PLOD1: variants seen among roughly 807,000 people sequenced by gnomAD.
The protein encoded by PLOD1 is procollagen-lysine,2-oxoglutarate 5-dioxygenase 1.
Under a neutral mutation model 94.7 loss-of-function variants are expected in PLOD1, and 70 were observed. That is an observed-to-expected ratio of 0.74 (90% CI 0.61 to 0.90). The LOEUF is 0.90. Ranked by LOEUF, PLOD1 falls within the 40% of genes least tolerant of loss-of-function variation. The pLI, the probability that PLOD1 is intolerant of heterozygous loss-of-function variation, is 0.00. For synonymous variants in PLOD1, 417 were observed against 400.2 expected (o/e 1.04, Z -0.50); for missense variants, 905 against 972.7 (o/e 0.93, Z 0.93).
At chr1:11,939,086 G>A (rs1314188443) in intron 1 of PLOD1, among the ~76,000 whole-genome samples, 1 of 152,030 alleles carries the variant, frequency 6.6e-6, no homozygotes, top group Non-Finnish European at 1.5e-5. Flanking sequence ...TTCCCTGTGG[G>A]CCTTGATTTG....
chr1:11,952,195 C>A (rs1289067914), intron 4 of PLOD1, among the ~76,000 whole-genome samples: 1 of 152,230 alleles, frequency 6.6e-6, no homozygotes, highest in Non-Finnish European at 1.5e-5. Context: ...CCCACTATGC[C>A]AGGTCTCAGC....
chr1:11,973,212 T>C (rs1645879235), intron 18 of PLOD1, among the ~76,000 whole-genome samples: 1 of 152,074 alleles, frequency 6.6e-6, no homozygotes, highest in South Asian at 2.1e-4. Flanking sequence ...TTTTAAGAGA[T>C]TTTTGGGCTC....
chr1:11,974,616 C>A, intron 18 of PLOD1, 37 bp from the exon 19 acceptor site: 1 of 1,592,804 alleles, frequency 6.3e-7, no homozygotes, highest in Non-Finnish European at 8.6e-7. Flanking sequence ...GGCAGGGGGG[C>A]GGTGGGGAAA....
intron 1 of PLOD1, among the ~76,000 whole-genome samples, chr1:11,946,573 G>C (rs1329507356): frequency 2.0e-5 from 3 of 152,186 alleles, no homozygotes; most frequent in Admixed American, 1.3e-4. Flanking sequence ...GGAGAGCAGG[G>C]ACCTGTGAGC....
intron 1 of PLOD1, among the ~76,000 whole-genome samples, chr1:11,935,484 G>A (rs1167998273): frequency 1.3e-5 from 2 of 152,078 alleles, no homozygotes; most frequent in Non-Finnish European, 2.9e-5. Flanking sequence ...CCTCTCTGCA[G>A]TTTATTTTTT....
intron 1 of PLOD1, among the ~76,000 whole-genome samples, chr1:11,941,288 G>A (rs1430655704): frequency 1.3e-5 from 2 of 151,814 alleles, no homozygotes; most frequent in Non-Finnish European, 2.9e-5. Flanking sequence ...TGTCACCCAG[G>A]CTAGAGTGCA....
chr1:11,952,170 G>A (rs1341291997), intron 4 of PLOD1, among the ~76,000 whole-genome samples: 3 of 152,206 alleles, frequency 2.0e-5, no homozygotes, highest in East Asian at 3.9e-4. Context: ...CTAGCCAGGG[G>A]CCCATGTGGG....
intron 2 of PLOD1, 122 bp from the exon 3 acceptor site, chr1:11,949,651 C>G: frequency 1.1e-6 from 1 of 941,098 alleles, no homozygotes; most frequent in Non-Finnish European, 1.7e-6. Flanking sequence ...AATTCCTGAC[C>G]TCAGGTGGTC....
At chr1:11,937,661 G>A (rs1000073734) in intron 1 of PLOD1, among the ~76,000 whole-genome samples, 5 of 152,184 alleles carry the variant, frequency 3.3e-5, no homozygotes, top group Admixed American at 6.5e-5. Flanking sequence ...ATGACAGGGC[G>A]TTAGGCACCC....
chr1:11,973,580 C>CTTTTT (rs976516109), intron 18 of PLOD1, among the ~76,000 whole-genome samples: 1 of 148,100 alleles, frequency 6.8e-6, no homozygotes, highest in African/African-American at 2.5e-5. Context: ...AGCTATAATC[C>CTTTTT]TTTTTTTTTT....
chr1:11,947,596 A>C (rs1010066064), intron 1 of PLOD1, among the ~76,000 whole-genome samples: 5 of 152,138 alleles, frequency 3.3e-5, no homozygotes, highest in African/African-American at 4.8e-5. Context: ...ACCAGCTCTC[A>C]CATGAACTCA....
At position 11,964,250 on chromosome 1, in the gene PLOD1, C is replaced by T; in HGVS notation, c.1278C>T (p.Gly426=). 1 of 1,527,310 alleles carries T rather than the reference C, an allele frequency of 6.5e-7. No homozygotes were observed. The highest frequency in any genetic ancestry group is 1.1e-5 in the South Asian group (1 of 89,872). 94.6% of individuals were successfully genotyped at this position (1,527,310 alleles called of 1,614,324 possible). ...TCTGGGGGGCTCTCAGTGCAGATGG[C>T]TACTATGCCCGTTCCGAGGACTACG... is the stretch of plus-strand genomic sequence containing the variant. The part of the protein sequence containing the change: ...SNFWGALSAD[G]YYARSEDYVD... The change falls in exon 12 of 19, where the codon GGC becomes GGT. Residue 426 remains glycine (G), a synonymous_variant. Coordinates refer to ENST00000196061, the MANE Select transcript of PLOD1 (RefSeq NM_000302.4).
intron 1 of PLOD1, among the ~76,000 whole-genome samples, chr1:11,944,143 G>A (rs1645633227): frequency 6.6e-6 from 1 of 151,928 alleles, no homozygotes; most frequent in South Asian, 2.1e-4. Flanking sequence ...TGAGGCATGA[G>A]AATCGCTTGA....
chr1:11,964,005 A>T (rs539559542), intron 11 of PLOD1, among the ~76,000 whole-genome samples, 170 bp from the exon 12 acceptor site: 84 of 152,238 alleles, frequency 5.5e-4, no homozygotes, highest in African/African-American at 1.9e-3. Flanking sequence ...AGCAGGTACC[A>T]GAAGAGCCAA....
chr1:11,968,435 G>A (rs1423881527), intron 16 of PLOD1, among the ~76,000 whole-genome samples: 2 of 151,858 alleles, frequency 1.3e-5, no homozygotes, highest in Non-Finnish European at 2.9e-5. Flanking sequence ...CTGCAGAAAG[G>A]AATTTTTCGT....
rs1390713273 is a variant in PLOD1, at chr1:11,949,885, T to C, written c.281T>C (p.Leu94Pro). ...GAGAAGCACGCAGACAAGGAGGATC[T>C]GGTCATTCTCTTCGCAGACAGGTAG... The part of the protein sequence containing the change: ...ALEKHADKED[L>P]VILFADSYDV... The change falls in exon 3 of 19, where the codon CTG (leucine) becomes CCG (proline). Residue 94 changes from leucine (L) to proline (P), a missense_variant. Transcript: ENST00000196061. The C allele has an allele frequency of 6.2e-7, 1 of 1,614,162 alleles. No homozygotes were observed. The highest frequency in any genetic ancestry group is 1.7e-5 in the Admixed American group (1 of 60,024).
chr1:11,974,553 C>G, intron 18 of PLOD1, 100 bp from the exon 19 acceptor site: 1 of 1,162,490 alleles, frequency 8.6e-7, no homozygotes, highest in African/African-American at 1.5e-5. Context: ...CCCAGGCAGG[C>G]AGTGCTGAGG....
chr1:11,974,596 A>G, intron 18 of PLOD1, 57 bp from the exon 19 acceptor site: 1 of 1,549,138 alleles, frequency 6.5e-7, no homozygotes. Flanking sequence ...TCATGACGGG[A>G]GAACAGACGG....
intron 1 of PLOD1, among the ~76,000 whole-genome samples, chr1:11,945,985 C>T (rs575512861): frequency 5.9e-5 from 9 of 152,072 alleles, no homozygotes; most frequent in Non-Finnish European, 8.8e-5. Flanking sequence ...CTGGGATTAC[C>T]GGTGTGAGCC....
Sources: allele counts gnomAD v4.1 joint callset (sites outside exome capture counted in the v4.1 genomes callset), GRCh38; gene constraint gnomAD v4.1.1; transcripts MANE v1.5; gene names NCBI Gene and HGNC (gene_info 2026-07-23, HGNC 2026-07-21).